The following POMGNT1 variants were observed in gnomAD, a reference collection of about 807,000 sequenced individuals.
POMGNT1 encodes protein O-linked mannose N-acetylglucosaminyltransferase 1 (beta 1,2-), also known as protein O-linked-mannose beta-1,2-N-acetylglucosaminyltransferase 1.
POMGNT1 carries 67 observed loss-of-function variants against 95.6 expected under a neutral mutation model. The observed-to-expected ratio is 0.70, with a 90% CI of 0.58 to 0.86. The LOEUF (loss-of-function observed/expected upper bound fraction) is 0.86, where lower values mean the gene tolerates loss of function less well. POMGNT1 is among the 40% of genes least tolerant of loss of function. The pLI is 0.00. For synonymous variants in POMGNT1, 298 were observed against 317.9 expected, an observed-to-expected ratio of 0.94 and a Z score of 0.66; for missense variants, 719 against 855.2, an observed-to-expected ratio of 0.84 and a Z score of 1.99.
chr1:46,215,116 C>T (rs953969009), intron 1 of POMGNT1, among the ~76,000 whole-genome samples: 3 of 150,694 alleles, frequency 2.0e-5, no homozygotes, highest in African/African-American at 7.3e-5. Context: ...GTCCCAGCTG[C>T]TTGGGAGGCT....
chr1:46,198,542 T>TGGCGGCGGCGGCGGC (rs930297008), upstream of POMGNT1: 9 of 76,384 alleles, frequency 1.2e-4, no homozygotes, highest in African/African-American at 2.5e-4. Flanking sequence ...GCGGCGGCGG[T>TGGCGGCGGCGGCGGC]GGCGGCAGCG....
At chr1:46,214,469 A>G (rs543274928) in intron 1 of POMGNT1, among the ~76,000 whole-genome samples, 2 of 152,386 alleles carry the variant, frequency 1.3e-5, no homozygotes, top group Admixed American at 6.5e-5. Context: ...TACTGTAGCC[A>G]TGAACAAAAA....
chr1:46,201,392 AAG>A (rs1277189361), upstream of POMGNT1, among the ~76,000 whole-genome samples: 7 of 152,008 alleles, frequency 4.6e-5, no homozygotes, highest in African/African-American at 1.7e-4. Context: ...ATGAACTAAA[AAG>A]AGTGATAGAA....
chr1:46,196,173 A>C lies in POMGNT1; in HGVS notation c.355-96T>G, dbSNP rs1571668050. The C allele has an allele frequency of 3.8e-6, 6 of 1,585,796 alleles. No homozygotes were observed. The highest frequency in any genetic ancestry group is 2.3e-5 in the East Asian group (1 of 43,640). ...TAAAACACCAGCTGCTTGAAACATC[A>C]CCTCCTGCCTATGTTTCTGTTCACA... On this transcript the variant is annotated intron_variant, in intron 4 of 21. Transcript: ENST00000371984. This position sits in a 1 kb window ranked among gnomAD's most constrained non-coding sequence, Gnocchi z 4.4.
chr1:46,205,804 T>C (rs1239348509), intron 1 of POMGNT1, among the ~76,000 whole-genome samples: 1 of 152,244 alleles, frequency 6.6e-6, no homozygotes, highest in Admixed American at 6.5e-5. Flanking sequence ...CTTCTTGTGC[T>C]CTGCCCTGCC....
chr1:46,189,731 G>A (rs891927317), intron 20 of POMGNT1, 123 bp downstream of exon 20: 6 of 1,556,236 alleles, frequency 3.9e-6, no homozygotes, highest in South Asian at 2.4e-5. Context: ...TGGAAGAGGT[G>A]TTCTAAGAGT....
At position 46,194,613 on chromosome 1, in the gene POMGNT1, G is replaced by C. The variant is rs771429702; in HGVS notation, c.691C>G (p.Leu231Val). 1.9e-6 allele frequency: 3 copies of C among 1,614,108 alleles called. No homozygotes were observed. Among genetic ancestry groups the C allele is most frequent in the African/African-American group, 2.7e-5 (2 of 74,940 alleles). Residue 231 changes from leucine to valine, a missense_variant, in exon 8 of 22, where the codon CTC becomes GTC. Physicochemically the swap from Leu to Val is conservative, Grantham distance 32 (BLOSUM62 1). Transcript: ENST00000371984. ...FGEKHSKSPA[L>V]SSWGDPVLLK... The stretch of plus-strand genomic sequence containing the variant: ...AGGACTGGGTCCCCCCAGGAAGAGA[G>C]GGCAGGTGATTTAGAATGTTTCTCC...
At chr1:46,204,853 G>C (rs1367749701) in intron 1 of POMGNT1, among the ~76,000 whole-genome samples, 1 of 152,222 alleles carries the variant, frequency 6.6e-6, no homozygotes, top group Non-Finnish European at 1.5e-5. Flanking sequence ...CTGTCTACTT[G>C]CTTTGAAAAC....
At chr1:46,202,920 G>GGTGTGTGTGTGTGT (rs10689850), upstream of POMGNT1, among the ~76,000 whole-genome samples, 20 of 64,514 alleles carry the variant, frequency 3.1e-4, no homozygotes, top group African/African-American at 1.2e-3. Context: ...GGGGGGGGGT[G>GGTGTGTGTGTGTGT]GTGTGTGTGT....
rs2148191342 is a variant in POMGNT1, at chr1:46,193,198, G to A, written c.1128C>T (p.Leu376=). The A allele has an allele frequency of 2.5e-6, 4 of 1,614,230 alleles. No homozygotes were observed. The highest frequency in any genetic ancestry group is 1.1e-5 in the South Asian group (1 of 91,084). The change falls in exon 13 of 22, where the codon CTC becomes CTT. Residue 376 remains leucine, a synonymous_variant. Coordinates refer to ENST00000371984, the MANE Select transcript of POMGNT1 (RefSeq NM_017739.4). ...CCGGAAACAGGTTGAAAGTGGCAGTGAGGCTGGCCTTGTAGTGCTGGGAGT... is the reference window on the plus strand; with the variant it reads ...CCGGAAACAGGTTGAAAGTGGCAGTAAGGCTGGCCTTGTAGTGCTGGGAGT... The part of the protein sequence containing the change: ...ARVSQHYKAS[L]TATFNLFPEA...
At chr1:46,206,229 A>T (rs1658710170) in intron 1 of POMGNT1, among the ~76,000 whole-genome samples, 1 of 152,020 alleles carries the variant, frequency 6.6e-6, no homozygotes, top group Admixed American at 6.6e-5. Context: ...CTTGAGCAGC[A>T]CTCTGTCTCT....
chr1:46,219,939 T>G lies in POMGNT1; in HGVS notation c.-285A>C, dbSNP rs748916612. ...GCTGGACAGTGTCTCTATTGGCAGC[T>G]TCCTGGACACAGTGGCCCCCAGCGA... On this transcript the variant is annotated 5_prime_UTR_variant, in exon 1 of 23. Coordinates refer to the POMGNT1 transcript ENST00000371992. 8.1e-6 allele frequency: 13 copies of G among 1,614,246 alleles called. No homozygotes were observed. In the South Asian group the frequency reaches 1.4e-4, roughly 18 times the overall value.
chr1:46,210,542 C>T (rs1571686061), intron 1 of POMGNT1, among the ~76,000 whole-genome samples: 1 of 152,280 alleles, frequency 6.6e-6, no homozygotes, highest in African/African-American at 2.4e-5. Context: ...CAACCAGCTT[C>T]AAATTGGGGT....
intron 1 of POMGNT1, among the ~76,000 whole-genome samples, chr1:46,208,161 A>G (rs1044268553): frequency 4.6e-5 from 7 of 151,646 alleles, no homozygotes; most frequent in African/African-American, 1.5e-4. Flanking sequence ...CACCAGCCTT[A>G]TTTATTTTTT....
At position 46,194,318 on chromosome 1, in the gene POMGNT1, A is replaced by C. The variant is rs763936829; in HGVS notation, c.835T>G (p.Cys279Gly). ...ATGGGTGTGGGGTCCTTGCAGCTGC[A>C]TACACTTCCATAGCCCTCAACTTTG... ...CSKVEGYGSV[C>G]SCKDPTPIEF... Residue 279 changes from cysteine (C) to glycine (G), a missense_variant, in exon 9 of 22, where the codon TGC becomes GGC. Physicochemically the swap from Cys to Gly is radical, Grantham distance 159 (BLOSUM62 -3). Coordinates refer to ENST00000371984, the MANE Select transcript of POMGNT1 (RefSeq NM_017739.4). The C allele has an allele frequency of 6.2e-7, 1 of 1,614,152 alleles. No individual in the cohort carries two copies. Among genetic ancestry groups the C allele is most frequent in the Non-Finnish European group, 8.5e-7 (1 of 1,180,034 alleles).
upstream of POMGNT1, among the ~76,000 whole-genome samples, chr1:46,202,863 A>G (rs911481558): frequency 4.9e-5 from 6 of 121,700 alleles, no homozygotes; most frequent in African/African-American, 6.1e-5. Flanking sequence ...CAGCTTCAGT[A>G]CTGGTTGCCC....
intron 14 of POMGNT1, 145 bp from the exon 15 acceptor site, chr1:46,192,735 T>C (rs1236791318): frequency 2.5e-6 from 4 of 1,595,064 alleles, no homozygotes; most frequent in Non-Finnish European, 3.4e-6. Context: ...TCTCCATTCA[T>C]CCACTGTACC....
intron 19 of POMGNT1, 48 bp from the exon 20 acceptor site, chr1:46,190,037 G>T: frequency 6.2e-7 from 1 of 1,609,196 alleles, no homozygotes. Flanking sequence ...CCCACTTCAT[G>T]GGTGTGTCCC....
At chr1:46,192,807 G>T in intron 14 of POMGNT1, 93 bp downstream of exon 14, 1 of 1,594,640 alleles carries the variant, frequency 6.3e-7, no homozygotes, top group Non-Finnish European at 8.6e-7. Context: ...CCACTTGTGA[G>T]CTCATGTCCT....
Sources: gnomAD v4.1 joint callset for allele counts (sites outside exome capture counted in the v4.1 genomes callset) on GRCh38, gnomAD v4.1.1 for gene constraint, Gnocchi (gnomAD v3.1) non-coding constraint, MANE v1.5 for transcripts, NCBI Gene and HGNC (gene_info 2026-07-23, HGNC 2026-07-21) for gene names.